ITPK1: variants seen among roughly 807,000 people sequenced by gnomAD.
ITPK1 encodes inositol-tetrakisphosphate 1-kinase, also known as inositol 1,3,4-trisphosphate 5/6-kinase.
In ITPK1, 21 loss-of-function variants were observed where a neutral mutation model predicts 45.3. That is an observed-to-expected ratio of 0.46 (90% CI 0.33 to 0.67). The LOEUF is 0.67. Ranked by LOEUF, ITPK1 falls within the 30% of genes least tolerant of loss-of-function variation. The pLI is 0.02. For missense variants in ITPK1, 474 were observed against 573.5 expected, an observed-to-expected ratio of 0.83 and a Z score of 1.77; for synonymous variants, 258 against 253.6, an observed-to-expected ratio of 1.02 and a Z score of -0.16.
At chr14:92,953,937 A>C (rs988391846) in intron 8 of ITPK1, among the ~76,000 whole-genome samples, 2 of 152,190 alleles carry the variant, frequency 1.3e-5, no homozygotes, top group African/African-American at 4.8e-5. Context: ...TCTGTTGCCC[A>C]GGCTGGAGTG....
At chr14:93,028,499 G>T (rs1888860514) in intron 3 of ITPK1, among the ~76,000 whole-genome samples, 1 of 152,250 alleles carries the variant, frequency 6.6e-6, no homozygotes, top group Non-Finnish European at 1.5e-5. Flanking sequence ...AAGCAATGGA[G>T]GGGTGGAGGC....
In ITPK1 at chr14:92,941,193, C is replaced by T; in HGVS notation, c.*368G>A. ...GCAGGCTTCCCCCAAGGGTCCCGGT[C>T]CACAGTGGCCATGGAGACCAACAGA... is the stretch of plus-strand genomic sequence containing the variant. On this transcript the variant is annotated 3_prime_UTR_variant, in exon 11 of 11. Coordinates refer to ENST00000267615, the MANE Select transcript of ITPK1 (RefSeq NM_014216.6). The T allele has an allele frequency of 8.0e-7, 1 of 1,256,446 alleles. No homozygotes were observed. The highest frequency in any genetic ancestry group is 1.0e-6 in the Non-Finnish European group (1 of 988,884). The allele number at this position is 1,256,446 out of a possible 1,614,324, so 77.8% of individuals were successfully genotyped here.
chr14:93,037,493 G>T (rs1414103022), intron 3 of ITPK1, among the ~76,000 whole-genome samples: 3 of 152,176 alleles, frequency 2.0e-5, no homozygotes, highest in African/African-American at 7.2e-5. Flanking sequence ...GTAGCCCCAG[G>T]CCCCAGCCAC....
chr14:93,098,348 T>C (rs1027877943), intron 2 of ITPK1, among the ~76,000 whole-genome samples: 3 of 151,716 alleles, frequency 2.0e-5, no homozygotes, highest in African/African-American at 7.3e-5. Flanking sequence ...TCCCAGCTAC[T>C]CGGAAGGTTG....
At position 93,076,072 on chromosome 14, in the gene ITPK1, C is replaced by CCCCTCCATCCATCCTTCCTTCT. The variant is rs1891207281; in HGVS notation, c.120+501_120+522dup. ...CTCCATCCATCCTTCTATCCTTCCT[C>CCCCTCCATCCATCCTTCCTTCT]CCCTCCATCCATCCTTCCTTCTCCC... On this transcript the variant is annotated intron_variant, in intron 3 of 10. Coordinates refer to ENST00000267615, the MANE Select transcript of ITPK1 (RefSeq NM_014216.6). The surrounding 1 kb of genome is among the most constrained non-coding windows in gnomAD (Gnocchi z 4.3). 1.3e-5 allele frequency among the ~76,000 whole-genome samples: 2 copies of CCCCTCCATCCATCCTTCCTTCT among 151,624 alleles called. No individual in the cohort carries two copies. The highest frequency in any genetic ancestry group is 4.8e-5 in the African/African-American group (2 of 41,258).
At chr14:93,078,713 G>A (rs368330106) in intron 2 of ITPK1, among the ~76,000 whole-genome samples, 7 of 151,988 alleles carry the variant, frequency 4.6e-5, no homozygotes, top group South Asian at 2.1e-4. Flanking sequence ...CCAACCACCC[G>A]CTCACAACCT....
chr14:93,057,624 C>T (rs561946895), intron 3 of ITPK1, among the ~76,000 whole-genome samples: 6 of 152,320 alleles, frequency 3.9e-5, no homozygotes, highest in African/African-American at 9.6e-5. Context: ...GAGAGTGAAA[C>T]GGGACCCATG....
At chr14:92,971,527 T>C (rs568896355) in intron 5 of ITPK1, among the ~76,000 whole-genome samples, 1 of 152,354 alleles carries the variant, frequency 6.6e-6, no homozygotes, top group South Asian at 2.1e-4. Flanking sequence ...CGTCATCACC[T>C]GGACCGTCAT....
chr14:93,021,030 T>C (rs1198633394), intron 3 of ITPK1, among the ~76,000 whole-genome samples: 1 of 152,096 alleles, frequency 6.6e-6, no homozygotes, highest in Non-Finnish European at 1.5e-5. Flanking sequence ...ACTCAATAAA[T>C]GTCAGCTATT....
At chr14:93,108,214 G>A (rs770553012) in intron 2 of ITPK1, among the ~76,000 whole-genome samples, 9 of 152,368 alleles carry the variant, frequency 5.9e-5, no homozygotes, top group Non-Finnish European at 1.0e-4. Context: ...GTGACTTTGC[G>A]AGGGAAAGAA....
In ITPK1 at chr14:93,010,503, G is replaced by A. The variant is rs150797329; in HGVS notation, c.246+6173C>T. Among the ~76,000 whole-genome samples, 1,239 of 152,342 alleles carry A rather than the reference G, an allele frequency of 8.1e-3. 8 individuals are homozygous for A. Among genetic ancestry groups the A allele is most frequent in the Middle Eastern group, 0.02 (6 of 294 alleles). On this transcript the variant is annotated intron_variant, in intron 4 of 10. Transcript: ENST00000267615. The stretch of plus-strand genomic sequence containing the variant: ...TAGGCAAGGGGACCGAGGCCCAGGT[G>A]GGCCAGCAGGTGAAGGGTGGGGCTA...
intron 2 of ITPK1, among the ~76,000 whole-genome samples, chr14:93,084,881 G>T (rs1316962528): frequency 6.6e-6 from 1 of 152,184 alleles, no homozygotes; most frequent in Non-Finnish European, 1.5e-5. Flanking sequence ...AGCAGCTCAA[G>T]TGCCTTCCTC....
At chr14:93,040,329 A>G (rs188329466) in intron 3 of ITPK1, among the ~76,000 whole-genome samples, 4 of 152,180 alleles carry the variant, frequency 2.6e-5, no homozygotes, top group Non-Finnish European at 5.9e-5. Flanking sequence ...CCTCGGCCCA[A>G]TGTCCTTCAC....
At chr14:93,004,031 C>T (rs1187781620) in intron 4 of ITPK1, among the ~76,000 whole-genome samples, 3 of 152,204 alleles carry the variant, frequency 2.0e-5, no homozygotes, top group Admixed American at 2.0e-4. Flanking sequence ...GCTGTTAGGC[C>T]CCTGAACGGA....
At chr14:93,080,590 C>T (rs1891393871) in intron 2 of ITPK1, among the ~76,000 whole-genome samples, 1 of 152,180 alleles carries the variant, frequency 6.6e-6, no homozygotes. Context: ...ATTCCGATAC[C>T]TGGAAAACAG....
intron 5 of ITPK1, among the ~76,000 whole-genome samples, chr14:92,988,433 C>T (rs538919970): frequency 5.9e-5 from 9 of 152,296 alleles, no homozygotes; most frequent in African/African-American, 2.2e-4. Context: ...AGATTGGAAG[C>T]CTTATCAGCG....
intron 3 of ITPK1, among the ~76,000 whole-genome samples, chr14:93,031,083 A>C (rs913654707): frequency 6.6e-6 from 1 of 152,128 alleles, no homozygotes; most frequent in Admixed American, 6.5e-5. Flanking sequence ...GGAGGGGTGC[A>C]TTTCTGCTAT....
chr14:93,032,176 C>T lies in ITPK1; in HGVS notation c.121-15375G>A, dbSNP rs1889095106. ...ACCAGCCTGGGCAACACAGTGAAAC[C>T]CCATCTCTACTAAAAGTGCAAAAAT... On this transcript the variant is annotated intron_variant, in intron 3 of 10. Coordinates refer to ENST00000267615, the MANE Select transcript of ITPK1 (RefSeq NM_014216.6). This position sits in a 1 kb window ranked among gnomAD's most constrained non-coding sequence, Gnocchi z 4.0. Among the ~76,000 whole-genome samples the T allele has an allele frequency of 6.6e-6, 1 of 152,066 alleles. No homozygotes were observed. The highest frequency in any genetic ancestry group is 1.5e-5 in the Non-Finnish European group (1 of 68,022).
chr14:92,978,540 G>A (rs1429956099), intron 5 of ITPK1, among the ~76,000 whole-genome samples: 1 of 151,938 alleles, frequency 6.6e-6, no homozygotes, highest in East Asian at 1.9e-4. Context: ...CAGGCCAGGA[G>A]GTCTAGAAGG....
Sources: gnomAD v4.1 joint callset for allele counts (sites outside exome capture counted in the v4.1 genomes callset) on GRCh38, gnomAD v4.1.1 for gene constraint, Gnocchi (gnomAD v3.1) non-coding constraint, MANE v1.5 for transcripts, NCBI Gene and HGNC (gene_info 2026-07-23, HGNC 2026-07-21) for gene names.